Variants in UTRN observed in about 807,000 individuals in gnomAD.
The protein encoded by UTRN is utrophin, also known as dystrophin-related protein 1.
Under a neutral mutation model 463.9 loss-of-function variants are expected in UTRN, and 283 were observed. That is an observed-to-expected ratio of 0.61 (90% confidence interval 0.55 to 0.67). The LOEUF (loss-of-function observed/expected upper bound fraction) is 0.67, where lower values mean the gene tolerates loss of function less well. UTRN is among the 30% of genes least tolerant of loss of function. UTRN has a pLI of 0.00. For synonymous variants in UTRN, 1,442 were observed against 1,431.5 expected, an observed-to-expected ratio of 1.01 and a Z score of -0.17; for missense variants, 3,922 against 4,084.3, an observed-to-expected ratio of 0.96 and a Z score of 1.08.
Position 144,499,286 on chromosome 6 carries a change from A to C in UTRN, c.4623A>C (p.Arg1541Ser), listed in dbSNP as rs759179073. ...CAGAAGGAAAACAGGATCTGGAAAGAGCATCACAGTTGGCCCGGAAAATGA... is the reference window on the plus strand; with the variant it reads ...CAGAAGGAAAACAGGATCTGGAAAGCGCATCACAGTTGGCCCGGAAAATGA... ...QVTEGKQDLE[R>S]ASQLARKMKK... is the part of the protein sequence containing the mutation. Residue 1541 changes from arginine to serine, a missense_variant, in exon 34 of 75, where the codon AGA becomes AGC. Arg to Ser is a moderately radical substitution (Grantham distance 110). This residue lies in a region of UTRN where 2,349 missense variants were observed against 2,303.8 expected (regional missense o/e 1.02). Transcript: ENST00000367545. 23 of 1,613,146 alleles carry C rather than the reference A, an allele frequency of 1.4e-5. No individual in the cohort carries two copies. The highest frequency in any genetic ancestry group is 2.0e-5 in the Non-Finnish European group (23 of 1,179,328).
intron 51 of UTRN, among the ~76,000 whole-genome samples, chr6:144,584,182 T>G (rs1802242317): frequency 6.6e-6 from 1 of 152,204 alleles, no homozygotes; most frequent in African/African-American, 2.4e-5. Context: ...TAAGTAGACT[T>G]ACTGGAGACA....
chr6:144,490,142 C>A lies in UTRN; in HGVS notation c.4206C>A (p.Pro1402=). 6.2e-7 allele frequency: 1 copy of A among 1,613,760 alleles called. No homozygotes were observed. Among genetic ancestry groups the A allele is most frequent in the Non-Finnish European group, 8.5e-7 (1 of 1,179,850 alleles). ...EELRRNMRSQ[P]LTSPESRTAR... ...TGAGAAGAAATATGCGTTCTCAGCC[C>A]CTGACCTCCCCAGAGAGTAGGACTG... Residue 1402 remains proline (P), a synonymous_variant, in exon 31 of 75, where the codon CCC becomes CCA. Coordinates refer to ENST00000367545, the MANE Select transcript of UTRN (RefSeq NM_007124.3).
intron 54 of UTRN, among the ~76,000 whole-genome samples, chr6:144,731,357 C>A (rs926451119): frequency 9.2e-5 from 14 of 152,088 alleles, no homozygotes; most frequent in Non-Finnish European, 1.8e-4. Context: ...TCACTGCTGA[C>A]AATAAAATCA....
chr6:144,572,223 C>T (rs78913771), intron 50 of UTRN, among the ~76,000 whole-genome samples: 1,710 of 152,000 alleles, frequency 0.011, 34 homozygotes, highest in African/African-American at 0.039. Flanking sequence ...ACAGGAGAGC[C>T]CCTTTGCTTC....
Position 144,421,931 on chromosome 6 carries a change from G to A in UTRN, c.195G>A (p.Lys65=). The A allele has an allele frequency of 6.2e-7, 1 of 1,612,984 alleles. No individual in the cohort carries two copies. Among genetic ancestry groups the A allele is most frequent in the African/African-American group, 1.3e-5 (1 of 74,990 alleles). ...DMFTDLKDGR[K]LLDLLEGLTG... is the part of the protein sequence containing the mutation. ...TCACAGACCTCAAAGATGGAAGGAA[G>A]CTATTGGATCTTCTAGAAGGCCTCA... The change falls in exon 4 of 75, where the codon AAG becomes AAA. Residue 65 remains lysine (K), a synonymous_variant. Transcript: ENST00000367545.
At chr6:144,639,207 T>C (rs1463379874) in intron 51 of UTRN, among the ~76,000 whole-genome samples, 1 of 152,234 alleles carries the variant, frequency 6.6e-6, no homozygotes, top group Non-Finnish European at 1.5e-5. Context: ...TAATTTTATC[T>C]TCCTGTCCCA....
chr6:144,836,634 G>A lies in UTRN; in HGVS notation c.10065+93G>A, dbSNP rs940825751. 6.6e-6 allele frequency: 10 copies of A among 1,522,410 alleles called. No homozygotes were observed. The African/African-American group carries it at 8.3e-5, about 13-fold the overall frequency. The allele number at this position is 1,522,410 out of a possible 1,614,324, so 94.3% of individuals were successfully genotyped here. ...TCCAGGTGTCAGGAGAGGCAGAGAAGTCCACTTTCAATTTCTTACCTCCGT... is the reference window on the plus strand; with the variant it reads ...TCCAGGTGTCAGGAGAGGCAGAGAAATCCACTTTCAATTTCTTACCTCCGT... On this transcript the variant is annotated intron_variant, in intron 71 of 74. Transcript: ENST00000367545.
intron 51 of UTRN, among the ~76,000 whole-genome samples, chr6:144,597,542 T>C (rs1422253401): frequency 6.6e-6 from 1 of 152,226 alleles, no homozygotes; most frequent in African/African-American, 2.4e-5. Flanking sequence ...TGTAACCTTA[T>C]TTAACAAGGC....
chr6:144,733,487 G>A (rs1041527842), intron 54 of UTRN, among the ~76,000 whole-genome samples: 5 of 139,278 alleles, frequency 3.6e-5, no homozygotes, highest in Non-Finnish European at 7.7e-5. Context: ...CCAGCCTGGT[G>A]ACAGAGTGAA....
At chr6:144,339,388 G>A (rs749589498) in intron 2 of UTRN, among the ~76,000 whole-genome samples, 1 of 152,186 alleles carries the variant, frequency 6.6e-6, no homozygotes, top group Non-Finnish European at 1.5e-5. Flanking sequence ...TTGAATTGTA[G>A]ACCAGAAAAA....
chr6:144,593,757 T>C (rs1803358303), intron 51 of UTRN, among the ~76,000 whole-genome samples: 1 of 152,220 alleles, frequency 6.6e-6, no homozygotes, highest in African/African-American at 2.4e-5. Flanking sequence ...ACAAAGTTCA[T>C]TCATTTACAT....
At chr6:144,722,863 G>A (rs1248070223) in intron 53 of UTRN, among the ~76,000 whole-genome samples, 1 of 152,114 alleles carries the variant, frequency 6.6e-6, no homozygotes, top group Admixed American at 6.5e-5. Context: ...CCCCATCCAA[G>A]CTGCAGGATG....
At chr6:144,534,290 C>T (rs751664349) in intron 43 of UTRN, among the ~76,000 whole-genome samples, 1 of 152,140 alleles carries the variant, frequency 6.6e-6, no homozygotes, top group African/African-American at 2.4e-5. Flanking sequence ...CATGACTCAC[C>T]TCTTAGGGGA....
rs149022270 is a variant in UTRN at position 144,429,589 on chromosome 6, G to C, written c.703G>C (p.Val235Leu). 3.1e-6 allele frequency: 5 copies of C among 1,598,048 alleles called. No homozygotes were observed. In the African/African-American group the frequency reaches 6.8e-5, roughly 22 times the overall value. ...TATTCTTCCACTTTTAGATGTTGCCGTTCAGCTTCCTGACAAGAAATCCAT... is the reference window on the plus strand; with the variant it reads ...TATTCTTCCACTTTTAGATGTTGCCCTTCAGCTTCCTGACAAGAAATCCAT... ...EKLLDPEDVA[V>L]QLPDKKSIIM... is the part of the protein sequence containing the mutation. The change falls in exon 9 of 75, where the codon GTT becomes CTT. Residue 235 changes from valine (V) to leucine (L), a missense_variant. This residue lies in a region of UTRN where 264 missense variants were observed against 327.9 expected (regional missense o/e 0.81). Coordinates refer to ENST00000367545, the MANE Select transcript of UTRN (RefSeq NM_007124.3).
chr6:144,766,280 TAAG>T (rs1793331230), intron 58 of UTRN, among the ~76,000 whole-genome samples: 1 of 152,202 alleles, frequency 6.6e-6, no homozygotes, highest in African/African-American at 2.4e-5. Flanking sequence ...CTCAGATCTT[TAAG>T]AAGGTGTTAC....
intron 8 of UTRN, among the ~76,000 whole-genome samples, chr6:144,429,108 C>T (rs1269245460): frequency 6.6e-6 from 1 of 152,116 alleles, no homozygotes; most frequent in African/African-American, 2.4e-5. Context: ...TTAACTACAG[C>T]ACTGGACAAT....
intron 51 of UTRN, among the ~76,000 whole-genome samples, chr6:144,649,187 A>G (rs1054112174): frequency 6.6e-6 from 1 of 152,314 alleles, no homozygotes; most frequent in South Asian, 2.1e-4. Flanking sequence ...AAAAAACAAA[A>G]CACGAGGAGG....
At chr6:144,713,220 T>G (rs1016069192) in intron 53 of UTRN, among the ~76,000 whole-genome samples, 1 of 152,240 alleles carries the variant, frequency 6.6e-6, no homozygotes, top group African/African-American at 2.4e-5. Flanking sequence ...GTTTGGATTT[T>G]GGTGTATTTT....
chr6:144,328,842 G>T (rs1019779356), intron 2 of UTRN, among the ~76,000 whole-genome samples: 1 of 151,874 alleles, frequency 6.6e-6, no homozygotes, highest in Non-Finnish European at 1.5e-5. Flanking sequence ...GGAGTGCAGT[G>T]GTGCGATCTT....
Sources: gnomAD v4.1 joint callset for allele counts (sites outside exome capture counted in the v4.1 genomes callset) on GRCh38, gnomAD v4.1.1 for gene constraint, gnomAD v4.1.1 regional missense constraint, MANE v1.5 for transcripts, NCBI Gene and HGNC (gene_info 2026-07-23, HGNC 2026-07-21) for gene names.